DST: variants seen among roughly 807,000 people sequenced by gnomAD.
DST encodes the protein dystonin.
Under a neutral mutation model 875.2 loss-of-function variants are expected in DST, and 253 were observed. The ratio of observed to expected loss-of-function variants is 0.29; its 90% CI spans 0.26 to 0.32. The LOEUF (loss-of-function observed/expected upper bound fraction) is 0.32, where lower values mean the gene tolerates loss of function less well. DST is among the 10% of genes least tolerant of loss of function. DST has a pLI of 1.00. For missense variants in DST, 8,287 were observed against 9,111.6 expected (o/e 0.91, Z 3.68); for synonymous variants, 3,124 against 3,197.1 (o/e 0.98, Z 0.77).
intron 4 of DST, among the ~76,000 whole-genome samples, chr6:56,822,047 T>C (rs2099773618): frequency 6.6e-6 from 1 of 152,190 alleles, no homozygotes; most frequent in Non-Finnish European, 1.5e-5. Flanking sequence ...AACATTTCTA[T>C]AGTCTATCTA....
intron 3 of DST, among the ~76,000 whole-genome samples, chr6:56,887,705 G>C (rs1278204643): frequency 6.6e-6 from 1 of 152,102 alleles, no homozygotes; most frequent in African/African-American, 2.4e-5. Context: ...AGAATGGCAA[G>C]AGGTCTTGCT....
intron 3 of DST, among the ~76,000 whole-genome samples, chr6:56,867,165 T>C (rs1401934197): frequency 1.3e-5 from 2 of 152,230 alleles, no homozygotes; most frequent in African/African-American, 4.8e-5. Context: ...CTGTGCCTCC[T>C]GACCCAGCTT....
intron 3 of DST, chr6:56,861,997 C>G (rs1404617088): frequency 6.6e-6 from 1 of 152,192 alleles, no homozygotes; most frequent in Non-Finnish European, 1.5e-5. Flanking sequence ...TGGGTAGCAG[C>G]TGTTTCTTAT....
At chr6:56,907,379 C>A (rs1298252316) in intron 2 of DST, among the ~76,000 whole-genome samples, 3 of 152,172 alleles carry the variant, frequency 2.0e-5, no homozygotes, top group Non-Finnish European at 2.9e-5. Flanking sequence ...GACAACCAGG[C>A]TGTTTGGTTG....
rs769166134 is a variant in DST at position 56,528,918 on chromosome 6, T to G, written c.17603A>C (p.Gln5868Pro). The change falls in exon 67 of 104, where the codon CAA (glutamine) becomes CCA (proline). Residue 5868 changes from glutamine (Q) to proline (P), a missense_variant. Coordinates refer to ENST00000680361, the MANE Select transcript of DST (RefSeq NM_001374736.1). ...WKQQSELRVLQEDILLRKQNV... is the reference protein window; with the variant it reads ...WKQQSELRVLPEDILLRKQNV... Reference sequence around the variant, plus strand: ...TTGTTTCCTGAGTAAGATGTCCTCTTGCAGAACCTGAAAACACAGGTACCA... The same window carrying G: ...TTGTTTCCTGAGTAAGATGTCCTCTGGCAGAACCTGAAAACACAGGTACCA... 3.8e-6 allele frequency: 6 copies of G among 1,579,782 alleles called. No homozygotes were observed. The highest frequency in any genetic ancestry group is 4.3e-6 in the Non-Finnish European group (5 of 1,160,184).
At chr6:56,824,868 G>A (rs1237549343) in intron 4 of DST, among the ~76,000 whole-genome samples, 3 of 151,832 alleles carry the variant, frequency 2.0e-5, no homozygotes, top group Non-Finnish European at 4.4e-5. Flanking sequence ...CCGTCCGGGA[G>A]GGAGGTGGGG....
chr6:56,498,196 T>C, intron 80 of DST, 143 bp from the exon 81 acceptor site: 4 of 798,996 alleles, frequency 5.0e-6, no homozygotes, highest in Non-Finnish European at 7.7e-6. Context: ...TTTAAAGAGA[T>C]GGGGTCTTAC....
rs34767818 is a variant in DST at position 56,620,698 on chromosome 6, C to G, written c.4929+3832G>C. 7,943 of 1,613,844 alleles carry G rather than the reference C, an allele frequency of 4.9e-3. 27 individuals are homozygous for G. The highest frequency in any genetic ancestry group is 6.1e-3 in the Non-Finnish European group (7,190 of 1,179,830). On this transcript the variant is annotated intron_variant, in intron 36 of 103. Transcript: ENST00000680361. ...CTGAATATGCCCCATGTTCAGAAGT[C>G]TCCTTACACCTTTTAATCTACAAAA...
At chr6:56,529,924 A>G (rs552527235) in intron 65 of DST, 50 bp downstream of exon 65, 2 of 1,600,718 alleles carry the variant, frequency 1.2e-6, no homozygotes, top group East Asian at 4.5e-5. Flanking sequence ...TTATGTCACA[A>G]AACCACACAA....
At position 56,503,307 on chromosome 6, in the gene DST, G is replaced by A. The variant is rs2096197962; in HGVS notation, c.19566+690C>T. 3.9e-5 allele frequency among the ~76,000 whole-genome samples: 6 copies of A among 151,902 alleles called. 1 individual carries two copies. The highest frequency in any genetic ancestry group is 3.3e-4 in the Admixed American group (5 of 15,232). ...ATAATTGGATTATTTGCAACACAAA[G>A]GATAAATGCTTGAGGTGATGGGTAC... On this transcript the variant is annotated intron_variant, in intron 78 of 103. Coordinates refer to ENST00000680361, the MANE Select transcript of DST (RefSeq NM_001374736.1).
intron 3 of DST, among the ~76,000 whole-genome samples, chr6:56,867,665 C>CA (rs557415442): frequency 1.3e-3 from 193 of 152,208 alleles, no homozygotes; most frequent in Non-Finnish European, 2.1e-3. Context: ...ACTAAAAATA[C>CA]AAAAATCAGT....
intron 5 of DST, among the ~76,000 whole-genome samples, chr6:56,730,308 T>C (rs971502338): frequency 1.3e-5 from 2 of 152,204 alleles, no homozygotes; most frequent in African/African-American, 2.4e-5. Context: ...AAAGGGAGTC[T>C]TCTAATGATA....
chr6:56,839,068 G>A (rs1410712582), intron 4 of DST, among the ~76,000 whole-genome samples: 3 of 152,178 alleles, frequency 2.0e-5, no homozygotes, highest in African/African-American at 7.2e-5. Flanking sequence ...AAATGAAGCC[G>A]GCTTAAAAAT....
rs746354332 is a variant in DST, at chr6:56,604,581, C to T, written c.10047G>A (p.Gln3349=). The T allele has an allele frequency of 3.1e-6, 5 of 1,611,806 alleles. No homozygotes were observed. In the Admixed American group the frequency reaches 6.7e-5, roughly 22 times the overall value. Residue 3349 remains glutamine, a synonymous_variant, in exon 40 of 104, where the codon CAG becomes CAA. Transcript: ENST00000680361. ...EKEVQIPELS[Q]VFVEDVKDIL... ...TATCCTTTACATCCTCCACAAATAC[C>T]TGAGACAATTCAGGAATCTGAACCT...
chr6:56,509,756 T>C lies in DST; in HGVS notation c.18898A>G (p.Lys6300Glu). ...TTTTCCATGTCTACTGACACATTCT[T>C]ATTTTCACTGATCTGTTCCTTGATC... ...EKIKEQISEN[K>E]NVSVDMEKLQ... The change falls in exon 74 of 104, where the codon AAG becomes GAG. Residue 6300 changes from lysine (K) to glutamate (E), a missense_variant. Around this residue, in one of 10 missense-constraint regions of DST, gnomAD observed 1,292 missense variants for 1,552.7 expected, o/e 0.83. Transcript: ENST00000680361. The C allele has an allele frequency of 6.2e-7, 1 of 1,613,754 alleles. No individual in the cohort carries two copies. Among genetic ancestry groups the C allele is most frequent in the Non-Finnish European group, 8.5e-7 (1 of 1,179,750 alleles).
In DST at chr6:56,604,036, T is replaced by C. The variant is rs914825935; in HGVS notation, c.10592A>G (p.Asp3531Gly). Residue 3531 changes from aspartate (D) to glycine (G), a missense_variant, in exon 40 of 104, where the codon GAT (aspartate) becomes GGT (glycine). Asp to Gly is a moderately conservative substitution (Grantham distance 94). Transcript: ENST00000680361. ...MMEEKPHILG[D>G]IKSKEGNYYS... is the part of the protein sequence containing the mutation. ...GTAGTTTCCTTCTTTGCTTTTAATATCACCAAGAATATGTGGCTTTTCTTC... is the reference window on the plus strand; with the variant it reads ...GTAGTTTCCTTCTTTGCTTTTAATACCACCAAGAATATGTGGCTTTTCTTC... 3.1e-6 allele frequency: 5 copies of C among 1,590,868 alleles called. No individual in the cohort carries two copies. In the East Asian group the frequency reaches 1.1e-4, roughly 36 times the overall value.
In DST at chr6:56,600,113, C is replaced by T. The variant is rs551352481; in HGVS notation, c.11650G>A (p.Gly3884Arg). The change falls in exon 45 of 104, where the codon GGA (glycine) becomes AGA (arginine). Residue 3884 changes from glycine (G) to arginine (R), a missense_variant. Around this residue, in one of 10 missense-constraint regions of DST, gnomAD observed 3,138 missense variants for 3,116.6 expected, o/e 1.01. Coordinates refer to ENST00000680361, the MANE Select transcript of DST (RefSeq NM_001374736.1). Reference sequence around the variant, plus strand: ...TTCTTTAACTCAACTGTGCCATCTCCAATCATGAAGGCTTCTTGGTGACCA... The same window carrying T: ...TTCTTTAACTCAACTGTGCCATCTCTAATCATGAAGGCTTCTTGGTGACCA... Reference protein sequence around the residue: ...LIGHQEAFMIGDGTVELKKYQ... With the variant: ...LIGHQEAFMIRDGTVELKKYQ... 9.3e-6 allele frequency: 15 copies of T among 1,612,990 alleles called. No homozygotes were observed. In the African/African-American group the frequency reaches 1.2e-4, roughly 13 times the overall value.
intron 15 of DST, among the ~76,000 whole-genome samples, chr6:56,643,374 T>G (rs987240843): frequency 1.3e-5 from 2 of 152,236 alleles, no homozygotes; most frequent in Non-Finnish European, 2.9e-5. Flanking sequence ...ATTTGTTTAT[T>G]AGGTTAAATT....
rs143999229 is a variant in DST, at chr6:56,866,236, G to T, written c.418-14632C>A. Among the ~76,000 whole-genome samples the T allele has an allele frequency of 3.6e-3, 543 of 152,032 alleles. 3 individuals carry two copies. The highest frequency in any genetic ancestry group is 0.013 in the African/African-American group (527 of 41,448). On this transcript the variant is annotated intron_variant, in intron 3 of 103. Transcript: ENST00000680361. ...TAGTCTCGAACACCTGACTGCAGAT[G>T]ATCCACCCACTGGGGCCTCCCAAAG... is the stretch of plus-strand genomic sequence containing the variant.
Sources: gnomAD v4.1 joint callset for allele counts (sites outside exome capture counted in the v4.1 genomes callset) on GRCh38, gnomAD v4.1.1 for gene constraint, gnomAD v4.1.1 regional missense constraint, MANE v1.5 for transcripts, NCBI Gene and HGNC (gene_info 2026-07-23, HGNC 2026-07-21) for gene names.